Variants in SFTA2 observed in about 807,000 individuals in gnomAD.
The protein encoded by SFTA2 is surfactant-associated protein 2.
Under a neutral mutation model 6.0 loss-of-function variants are expected in SFTA2, and 3 were observed. That is an observed-to-expected ratio of 0.50 (90% CI 0.23 to 1.28). The LOEUF (loss-of-function observed/expected upper bound fraction) is 1.28. Among genes scored for constraint, SFTA2 ranks in the 50% most tolerant of loss-of-function variants. SFTA2 has a pLI of 0.19. For synonymous variants in SFTA2, 40 were observed against 39.3 expected, an observed-to-expected ratio of 1.02 and a Z score of -0.07; for missense variants, 87 against 88.5, an observed-to-expected ratio of 0.98 and a Z score of 0.07.
chr6:30,931,909 CT>C (rs781324543), intron 1 of SFTA2, 114 bp from the exon 2 acceptor site: 1 of 1,530,326 alleles, frequency 6.5e-7, no homozygotes, highest in Non-Finnish European at 9.0e-7. Context: ...AGCAATGCCC[CT>C]CCAGAGCCTC....
At position 30,931,456 on chromosome 6, in the gene SFTA2, C is replaced by G. The variant is rs4713402; in HGVS notation, c.*32G>C. The stretch of plus-strand genomic sequence containing the variant: ...CTCCTGCATCCCCGGCCCAAAAGCC[C>G]GGGCCAAGAAGGACACAGGCTTCAA... On this transcript the variant is annotated 3_prime_UTR_variant, in exon 3 of 3. Coordinates refer to ENST00000359086, the MANE Select transcript of SFTA2 (RefSeq NM_205854.3). The G allele has an allele frequency of 3.3e-6, 5 of 1,527,674 alleles. No homozygotes were observed. Among genetic ancestry groups the G allele is most frequent in the Non-Finnish European group, 4.4e-6 (5 of 1,135,152 alleles). The allele number at this position is 1,527,674 out of a possible 1,614,324, so 94.6% of individuals were successfully genotyped here. A position where few individuals can be genotyped will look rare whatever the true frequency, so the allele number is the denominator to read the frequency against.
chr6:30,931,883 A>C (rs563135600), intron 1 of SFTA2, 88 bp from the exon 2 acceptor site: 1 of 1,553,822 alleles, frequency 6.4e-7, no homozygotes, highest in South Asian at 1.1e-5. Flanking sequence ...GCTCCCCGGC[A>C]CAGTTCCTCT....
intron 2 of SFTA2, 36 bp from the exon 3 acceptor site, chr6:30,931,610 A>C: frequency 6.2e-7 from 1 of 1,607,004 alleles, no homozygotes. Context: ...CATGTAAGAG[A>C]GCTCTCCATT....
In SFTA2 at chr6:30,932,081, G is replaced by T. The variant is rs772581475; in HGVS notation, c.16C>A (p.Pro6Thr). Residue 6 changes from proline (P) to threonine (T), a missense_variant, in exon 1 of 3, where the codon CCC becomes ACC. Pro to Thr is a conservative substitution (Grantham distance 38, BLOSUM62 -1). Transcript: ENST00000359086. The surrounding 1 kb of genome is among the most constrained non-coding windows in gnomAD (Gnocchi z 6.5). Reference protein sequence around the residue: MGSGLPLVLLLTLLGS... With the variant: MGSGLTLVLLLTLLGS... The stretch of plus-strand genomic sequence containing the variant: ...AGGAGGGTCAAGAGGAGGACAAGGG[G>T]CAGCCCAGACCCCATAGTGGCCACT... 8 of 1,612,692 alleles carry T rather than the reference G, an allele frequency of 5.0e-6. No homozygotes were observed. Among genetic ancestry groups the T allele is most frequent in the Non-Finnish European group, 6.8e-6 (8 of 1,179,920 alleles).
Position 30,931,696 on chromosome 6 carries a change from C to T in SFTA2, c.150+11G>A. On this transcript the variant is annotated intron_variant, in intron 2 of 2. Transcript: ENST00000359086. ...ACACACAGCCCCATCTTTCCCCTTCCAAAGAACTACCTTTTCAAGCAATTC... is the reference window on the plus strand; with the variant it reads ...ACACACAGCCCCATCTTTCCCCTTCTAAAGAACTACCTTTTCAAGCAATTC... 1 of 1,613,132 alleles carries T rather than the reference C, an allele frequency of 6.2e-7. No homozygotes were observed.
intron 1 of SFTA2, 66 bp from the exon 2 acceptor site, chr6:30,931,861 C>G: frequency 6.3e-7 from 1 of 1,585,150 alleles, no homozygotes; most frequent in South Asian, 1.1e-5. Context: ...GACACAGAAC[C>G]TTCCTGCTCA....
intron 1 of SFTA2, 116 bp downstream of exon 1, chr6:30,931,920 C>T: frequency 6.5e-7 from 1 of 1,539,714 alleles, no homozygotes; most frequent in South Asian, 1.1e-5. Context: ...TCCAGAGCCT[C>T]TTGGAAGCTC....
rs967160132 is a variant in SFTA2 at position 30,931,395 on chromosome 6, G to A, written c.*93C>T. 2.7e-5 allele frequency: 33 copies of A among 1,229,290 alleles called. No individual in the cohort carries two copies. In the African/African-American group the frequency reaches 3.5e-4, roughly 13 times the overall value. The allele number at this position is 1,229,290 out of a possible 1,614,324, so 76.1% of individuals were successfully genotyped here. On this transcript the variant is annotated 3_prime_UTR_variant, in exon 3 of 3. Transcript: ENST00000359086. ...AATTTTATTTATTGCCGCTCAGGAG[G>A]GTGGGGGCCTGCTGAAAGACAGGGT... is the stretch of plus-strand genomic sequence containing the variant.
rs1398913165 is a variant in SFTA2, at chr6:30,932,072, G to A, written c.25C>T (p.Leu9Phe). Residue 9 changes from leucine (L) to phenylalanine (F), a missense_variant, in exon 1 of 3, where the codon CTC (leucine) becomes TTC (phenylalanine). By Grantham distance (22) the Leu-to-Phe change is conservative. Coordinates refer to ENST00000359086, the MANE Select transcript of SFTA2 (RefSeq NM_205854.3). The surrounding 1 kb of genome is among the most constrained non-coding windows in gnomAD (Gnocchi z 6.5). ...GAGCTGCCAAGGAGGGTCAAGAGGA[G>A]GACAAGGGGCAGCCCAGACCCCATA... MGSGLPLV[L>F]LLTLLGSSHG... 1 of 1,612,590 alleles carries A rather than the reference G, an allele frequency of 6.2e-7. No homozygotes were observed. The highest frequency in any genetic ancestry group is 1.3e-5 in the African/African-American group (1 of 74,910).
chr6:30,931,876 C>G, intron 1 of SFTA2, 81 bp from the exon 2 acceptor site: 16 of 1,561,228 alleles, frequency 1.0e-5, no homozygotes, highest in Non-Finnish European at 1.4e-5. Flanking sequence ...TGCTCACGCT[C>G]CCCGGCACAG....
At position 30,931,721 on chromosome 6, in the gene SFTA2, C is replaced by T. The variant is rs1795149220; in HGVS notation, c.136G>A (p.Glu46Lys). ...CAAAGAACTACCTTTTCAAGCAATTCCAGGAAGCTGGACTCATAGGAGGAA... is the reference window on the plus strand; with the variant it reads ...CAAAGAACTACCTTTTCAAGCAATTTCAGGAAGCTGGACTCATAGGAGGAA... ...TNSSYESSFL[E>K]LLEKLCLLLH... Residue 46 changes from glutamate (E) to lysine (K), a missense_variant, in exon 2 of 3, where the codon GAA (glutamate) becomes AAA (lysine). Glu to Lys is a moderately conservative substitution (Grantham distance 56, BLOSUM62 1). Transcript: ENST00000359086. 5.6e-6 allele frequency: 9 copies of T among 1,613,130 alleles called. No homozygotes were observed. The highest frequency in any genetic ancestry group is 5.9e-6 in the Non-Finnish European group (7 of 1,180,016).
At chr6:30,931,824 C>T in intron 1 of SFTA2, 29 bp from the exon 2 acceptor site, 1 of 1,610,994 alleles carries the variant, frequency 6.2e-7, no homozygotes, top group Non-Finnish European at 8.5e-7. Context: ...AGCTTAGGAC[C>T]CAGCAGTCAG....
intron 1 of SFTA2, 52 bp downstream of exon 1, chr6:30,931,984 T>G (rs1795162175): frequency 1.3e-6 from 2 of 1,598,276 alleles, no homozygotes; most frequent in Admixed American, 1.7e-5. Context: ...ACCCCTTTTC[T>G]CTGGCCTCTT....
chr6:30,931,627 A>T, intron 2 of SFTA2, 53 bp from the exon 3 acceptor site: 3 of 1,607,738 alleles, frequency 1.9e-6, no homozygotes, highest in Non-Finnish European at 2.6e-6. Flanking sequence ...CATTCCCACC[A>T]CGGAGACATC....
Position 30,931,399 on chromosome 6 carries a change from G to A in SFTA2, c.*89C>T, listed in dbSNP as rs1482678222. On this transcript the variant is annotated 3_prime_UTR_variant, in exon 3 of 3. Transcript: ENST00000359086. The stretch of plus-strand genomic sequence containing the variant: ...TTATTTATTGCCGCTCAGGAGGGTG[G>A]GGGCCTGCTGAAAGACAGGGTCGGG... 3 of 1,268,164 alleles carry A rather than the reference G, an allele frequency of 2.4e-6. No homozygotes were observed. The African/African-American group carries it at 4.5e-5, about 19-fold the overall frequency. The allele number at this position is 1,268,164 out of a possible 1,614,324, so 78.6% of individuals were successfully genotyped here.
rs758547473 is a variant in SFTA2, at chr6:30,932,117, G to A, written c.-21C>T. 20 of 1,610,050 alleles carry A rather than the reference G, an allele frequency of 1.2e-5. No individual in the cohort carries two copies. Among genetic ancestry groups the A allele is most frequent in the Non-Finnish European group, 1.7e-5 (20 of 1,178,908 alleles). On this transcript the variant is annotated 5_prime_UTR_variant, in exon 1 of 3. Transcript: ENST00000359086. The surrounding 1 kb of genome is among the most constrained non-coding windows in gnomAD (Gnocchi z 6.5). ...CCCATAGTGGCCACTGCGCTCCTGGGATGGAGGAGACACTGAAGTCCCGGT... is the reference window on the plus strand; with the variant it reads ...CCCATAGTGGCCACTGCGCTCCTGGAATGGAGGAGACACTGAAGTCCCGGT...
Position 30,932,119 on chromosome 6 carries a change from T to A in SFTA2, c.-23A>T. The A allele has an allele frequency of 6.2e-7, 1 of 1,609,918 alleles. No homozygotes were observed. The highest frequency in any genetic ancestry group is 8.5e-7 in the Non-Finnish European group (1 of 1,178,838). ...CATAGTGGCCACTGCGCTCCTGGGA[T>A]GGAGGAGACACTGAAGTCCCGGTGG... On this transcript the variant is annotated 5_prime_UTR_variant, in exon 1 of 3. Coordinates refer to ENST00000359086, the MANE Select transcript of SFTA2 (RefSeq NM_205854.3). The surrounding 1 kb of genome is among the most constrained non-coding windows in gnomAD (Gnocchi z 6.5).
At chr6:30,931,640 G>C in intron 2 of SFTA2, 66 bp from the exon 3 acceptor site, 1 of 1,609,414 alleles carries the variant, frequency 6.2e-7, no homozygotes, top group East Asian at 2.2e-5. Flanking sequence ...GAGACATCCA[G>C]ACCCCAGCAG....
In SFTA2 at chr6:30,931,408, T is replaced by C. The variant is rs769911306; in HGVS notation, c.*80A>G. The C allele has an allele frequency of 7.2e-7, 1 of 1,387,742 alleles. No homozygotes were observed. The highest frequency in any genetic ancestry group is 1.5e-5 in the South Asian group (1 of 67,118). 86.0% of individuals were successfully genotyped at this position (1,387,742 alleles called of 1,614,324 possible). On this transcript the variant is annotated 3_prime_UTR_variant, in exon 3 of 3. Transcript: ENST00000359086. ...GCCGCTCAGGAGGGTGGGGGCCTGC[T>C]GAAAGACAGGGTCGGGGCCTGCCTC...
Sources: gnomAD v4.1 joint callset for allele counts on GRCh38, gnomAD v4.1.1 for gene constraint, Gnocchi (gnomAD v3.1) non-coding constraint, MANE v1.5 for transcripts, NCBI Gene and HGNC (gene_info 2026-07-23, HGNC 2026-07-21) for gene names.